Variants in C1GALT1 observed in about 807,000 individuals in gnomAD.
The protein encoded by C1GALT1 is core 1 synthase, glycoprotein-N-acetylgalactosamine 3-beta-galactosyltransferase 1.
In C1GALT1, 11 loss-of-function variants were observed where a neutral mutation model predicts 31.0. The observed-to-expected ratio is 0.36, with a 90% confidence interval of 0.22 to 0.59. The LOEUF is 0.59. C1GALT1 is among the 20% of genes least tolerant of loss of function. The pLI, the probability that C1GALT1 is intolerant of heterozygous loss-of-function variation, is 0.79. For missense variants in C1GALT1, 424 were observed against 425.2 expected (o/e 1.00, Z 0.03); for synonymous variants, 175 against 143.6 (o/e 1.22, Z -1.56).
At chr7:7,205,870 C>T (rs1158283054) in intron 1 of C1GALT1, among the ~76,000 whole-genome samples, 1 of 152,046 alleles carries the variant, frequency 6.6e-6, no homozygotes, top group African/African-American at 2.4e-5. Context: ...AAATCTCTGC[C>T]TTTTGATTAG....
At chr7:7,226,580 A>C (rs189100940) in intron 1 of C1GALT1, among the ~76,000 whole-genome samples, 15 of 152,324 alleles carry the variant, frequency 9.8e-5, no homozygotes, top group Non-Finnish European at 1.5e-4. Flanking sequence ...CCATGTAAGA[A>C]GACCATGGAG....
Position 7,163,304 on chromosome 7 carries a change from T to C in C1GALT1, c.-18+5878T>C, listed in dbSNP as rs140983842. 6.6e-5 allele frequency among the ~76,000 whole-genome samples: 10 copies of C among 152,134 alleles called. No homozygotes were observed. In the East Asian group the frequency reaches 1.7e-3, roughly 26 times the overall value. Reference sequence around the variant, plus strand: ...AATTAATTTTTGTATAAAGTATTGATGGGATGTATCTCAAAATAATAAGAG... The same window carrying C: ...AATTAATTTTTGTATAAAGTATTGACGGGATGTATCTCAAAATAATAAGAG... On this transcript the variant is annotated intron_variant, in intron 2 of 3. Coordinates refer to the C1GALT1 transcript ENST00000429911.
At chr7:7,241,132 T>C (rs1164967085) in intron 3 of C1GALT1, among the ~76,000 whole-genome samples, 2 of 151,964 alleles carry the variant, frequency 1.3e-5, no homozygotes, top group Non-Finnish European at 2.9e-5. Flanking sequence ...AAAAATTGAC[T>C]TTTCTGTAGG....
At chr7:7,242,239 T>G (rs1420459262) in intron 3 of C1GALT1, among the ~76,000 whole-genome samples, 1 of 150,900 alleles carries the variant, frequency 6.6e-6, no homozygotes, top group Non-Finnish European at 1.5e-5. Flanking sequence ...ACATTTTTTA[T>G]GTGGCTACTA....
At chr7:7,192,722 A>G (rs1464333520) in intron 1 of C1GALT1, among the ~76,000 whole-genome samples, 3 of 152,072 alleles carry the variant, frequency 2.0e-5, no homozygotes, top group Admixed American at 6.6e-5. Flanking sequence ...TCCTTAAGGA[A>G]TCTCCACACC....
At chr7:7,183,513 T>G (rs1780682290) in intron 1 of C1GALT1, 2 of 931,306 alleles carry the variant, frequency 2.1e-6, no homozygotes, top group Non-Finnish European at 2.6e-6. Flanking sequence ...TTTTTTTTTT[T>G]GCTTCTGCAC....
chr7:7,203,017 G>A (rs1311649631), intron 1 of C1GALT1, among the ~76,000 whole-genome samples: 1 of 149,988 alleles, frequency 6.7e-6, no homozygotes, highest in Non-Finnish European at 1.5e-5. Flanking sequence ...TCTAGTTAGT[G>A]CGTAAAAATG....
chr7:7,200,904 T>C (rs1184193522), intron 1 of C1GALT1, among the ~76,000 whole-genome samples: 2 of 152,204 alleles, frequency 1.3e-5, no homozygotes, highest in African/African-American at 2.4e-5. Context: ...CATCTAATCT[T>C]TTTTCAAGGT....
In C1GALT1 at chr7:7,238,654, T is replaced by C; in HGVS notation, c.620T>C (p.Met207Thr). ...AAGCCTTATGTAAAGCAGGGCTACATGAGTGGAGGAGCAGGATATGTACTA... is the reference window on the plus strand; with the variant it reads ...AAGCCTTATGTAAAGCAGGGCTACACGAGTGGAGGAGCAGGATATGTACTA... ...RFKPYVKQGYMSGGAGYVLSK... is the reference protein window; with the variant it reads ...RFKPYVKQGYTSGGAGYVLSK... The change falls in exon 3 of 4, where the codon ATG becomes ACG. Residue 207 changes from methionine (M) to threonine (T), a missense_variant. Coordinates refer to ENST00000436587, the MANE Select transcript of C1GALT1 (RefSeq NM_020156.5). The surrounding 1 kb of genome is among the most constrained non-coding windows in gnomAD (Gnocchi z 5.2). The C allele has an allele frequency of 6.2e-7, 1 of 1,614,118 alleles. No individual in the cohort carries two copies. The highest frequency in any genetic ancestry group is 8.5e-7 in the Non-Finnish European group (1 of 1,179,980).
chr7:7,223,128 C>T (rs1223290314), intron 1 of C1GALT1, among the ~76,000 whole-genome samples: 1 of 152,080 alleles, frequency 6.6e-6, no homozygotes, highest in South Asian at 2.1e-4. Context: ...GGGATAATAA[C>T]ATTTCTGCTT....
chr7:7,161,833 A>T (rs960190209), intron 2 of C1GALT1, among the ~76,000 whole-genome samples: 1 of 152,124 alleles, frequency 6.6e-6, no homozygotes, highest in Middle Eastern at 3.2e-3. Context: ...AGTATCCTTA[A>T]AATATGTGTG....
chr7:7,166,118 C>G (rs4720723), intron 2 of C1GALT1, among the ~76,000 whole-genome samples: 3 of 151,912 alleles, frequency 2.0e-5, no homozygotes, highest in Admixed American at 6.6e-5. Context: ...GTGAAAAAAA[C>G]GTATATTACT....
chr7:7,169,987 C>T (rs970554323), intron 2 of C1GALT1, among the ~76,000 whole-genome samples: 5 of 152,170 alleles, frequency 3.3e-5, no homozygotes, highest in Non-Finnish European at 7.3e-5. Flanking sequence ...TGGTCCTGGA[C>T]TTTTCTTTGT....
chr7:7,227,753 T>C (rs991261930), intron 1 of C1GALT1, among the ~76,000 whole-genome samples: 9 of 149,408 alleles, frequency 6.0e-5, no homozygotes, highest in African/African-American at 2.2e-4. Context: ...GGAACAAACC[T>C]AAGCTAACAC....
chr7:7,201,068 A>G (rs1781512089), intron 1 of C1GALT1, among the ~76,000 whole-genome samples: 1 of 152,162 alleles, frequency 6.6e-6, no homozygotes, highest in Non-Finnish European at 1.5e-5. Flanking sequence ...CCTTTGGAGG[A>G]GAAGAGGCGC....
intron 1 of C1GALT1, among the ~76,000 whole-genome samples, chr7:7,222,127 C>G (rs992906270): frequency 6.6e-6 from 1 of 152,192 alleles, no homozygotes; most frequent in Non-Finnish European, 1.5e-5. Flanking sequence ...AGCACCTCAT[C>G]TTAGAGCTTA....
intron 1 of C1GALT1, among the ~76,000 whole-genome samples, chr7:7,209,079 G>A (rs189369638): frequency 8.5e-5 from 13 of 152,190 alleles, no homozygotes; most frequent in African/African-American, 2.9e-4. Context: ...TGGATTCTTC[G>A]TATCTCACAA....
At chr7:7,228,435 C>A (rs746193959) in intron 1 of C1GALT1, among the ~76,000 whole-genome samples, 1 of 152,140 alleles carries the variant, frequency 6.6e-6, no homozygotes, top group East Asian at 1.9e-4. Flanking sequence ...TTCCCCCACC[C>A]AATTCAAAGA....
At chr7:7,158,571 C>T (rs1263459888) in intron 2 of C1GALT1, among the ~76,000 whole-genome samples, 1 of 150,508 alleles carries the variant, frequency 6.6e-6, no homozygotes, top group African/African-American at 2.4e-5. Flanking sequence ...ATTATATACA[C>T]ATACATTTTT....
Sources: gnomAD v4.1 joint callset for allele counts (sites outside exome capture counted in the v4.1 genomes callset) on GRCh38, gnomAD v4.1.1 for gene constraint, Gnocchi (gnomAD v3.1) non-coding constraint, MANE v1.5 for transcripts, NCBI Gene and HGNC (gene_info 2026-07-23, HGNC 2026-07-21) for gene names.